USP9Y: variants seen among roughly 807,000 people sequenced by gnomAD.
USP9Y encodes the protein ubiquitin specific peptidase 9 Y-linked, also known as ubiquitin carboxyl-terminal hydrolase 9Y.
In USP9Y, 41 loss-of-function variants were observed where a neutral mutation model predicts 53.1. The observed-to-expected ratio is 0.77, with a 90% CI of 0.60 to 1.00. The LOEUF (loss-of-function observed/expected upper bound fraction) is 1.00, where lower values mean the gene tolerates loss of function less well. Ranked by LOEUF, USP9Y falls within the 50% of genes least tolerant of loss-of-function variation. USP9Y has a pLI of 0.00. For synonymous variants in USP9Y, 220 were observed against 173.7 expected (o/e 1.27, Z -2.09); for missense variants, 567 against 535.8 (o/e 1.06, Z -0.58).
intron 15 of USP9Y, among the ~76,000 whole-genome samples, chrY:12,770,071 C>T (rs530436103): frequency 6.0e-5 from 2 of 33,501 alleles, no homozygotes; most frequent in Admixed American, 5.4e-4. Flanking sequence ...CGTGAGCCAC[C>T]GTGCCTAGCC....
At position 12,856,350 on chromosome Y, in the gene USP9Y, G is replaced by A; in HGVS notation, c.7075G>A (p.Ala2359Thr). Residue 2359 changes from alanine (A) to threonine (T), a missense_variant, in exon 43 of 46, where the codon GCA (alanine) becomes ACA (threonine). By Grantham distance (58) the Ala-to-Thr change is moderately conservative. Transcript: ENST00000338981. ...CTGCTTCTGTTTTAGAATTCATAATGCACTTAAAGGAATTCCAGATGACAG... is the reference window on the plus strand; with the variant it reads ...CTGCTTCTGTTTTAGAATTCATAATACACTTAAAGGAATTCCAGATGACAG... ...DSWQTHRIHNALKGIPDDRDG... is the reference protein window; with the variant it reads ...DSWQTHRIHNTLKGIPDDRDG... The A allele has an allele frequency of 2.5e-6, 1 of 397,099 alleles. No individual in the cohort carries two copies. The highest frequency in any genetic ancestry group is 3.5e-6 in the Non-Finnish European group (1 of 282,453).
chrY:12,819,326 G>A, intron 33 of USP9Y, among the ~76,000 whole-genome samples: 1 of 33,217 alleles, frequency 3.0e-5, no homozygotes, highest in Non-Finnish European at 7.4e-5. Flanking sequence ...GATGATCATG[G>A]TACATTATCA....
At chrY:12,792,926 C>T (rs2032607) in intron 26 of USP9Y, 106 bp from the exon 27 acceptor site, 3,478 of 262,639 alleles carry the variant, frequency 0.013, no homozygotes, top group South Asian at 0.1. Flanking sequence ...AGTCTGAGGC[C>T]GCATGGTCTT....
Position 12,847,126 on chromosome Y carries a change from T to C in USP9Y, c.6948T>C (p.Ser2316=). The change falls in exon 41 of 46, where the codon TCT becomes TCC. Residue 2316 remains serine (S), a synonymous_variant. Transcript: ENST00000338981. ...FCSWENPQFS[S]TVLSELLWQV... is the part of the protein sequence containing the mutation. The stretch of plus-strand genomic sequence containing the variant: ...CTTGGGAGAATCCTCAGTTCTCATC[T>C]ACTGTCCTCAGCGAACTTCTCTGGC... 2.5e-6 allele frequency: 1 copy of C among 399,047 alleles called. No homozygotes were observed.
At chrY:12,818,675 G>A in intron 33 of USP9Y, 65 bp downstream of exon 33, 1 of 271,460 alleles carries the variant, frequency 3.7e-6, no homozygotes, top group East Asian at 9.8e-5. Context: ...CTTCTAAAAT[G>A]TAGCTTAGAA....
intron 12 of USP9Y, among the ~76,000 whole-genome samples, chrY:12,750,337 C>T (rs1003925474): frequency 3.0e-5 from 1 of 33,386 alleles, no homozygotes; most frequent in Non-Finnish European, 7.4e-5. Context: ...CTATGTATGG[C>T]ATCATATTGT....
At chrY:12,848,411 G>C (rs1603204057) in intron 42 of USP9Y, among the ~76,000 whole-genome samples, 1 of 33,082 alleles carries the variant, frequency 3.0e-5, no homozygotes, top group Non-Finnish European at 7.4e-5. Flanking sequence ...CTCCCATTCT[G>C]TAGGTTGCCT....
At chrY:12,839,462 A>G (rs764512963) in intron 35 of USP9Y, among the ~76,000 whole-genome samples, 3 of 33,518 alleles carry the variant, frequency 9.0e-5, no homozygotes, top group East Asian at 7.9e-4. Flanking sequence ...AAGCCATTAC[A>G]GTGTAATAAC....
chrY:12,799,819 G>A, intron 27 of USP9Y, among the ~76,000 whole-genome samples: 1 of 33,948 alleles, frequency 2.9e-5, no homozygotes, highest in Non-Finnish European at 7.4e-5. Flanking sequence ...TCTATCGCCT[G>A]AGAGTACACT....
intron 38 of USP9Y, among the ~76,000 whole-genome samples, chrY:12,842,780 G>A (rs2053563311): frequency 3.0e-5 from 1 of 33,122 alleles, no homozygotes; most frequent in Non-Finnish European, 7.5e-5. Flanking sequence ...ACTGTAACAT[G>A]AAATTGACAT....
Position 12,812,816 on chromosome Y carries a change from T to C in USP9Y, c.4387-14T>C. 5.5e-6 allele frequency: 2 copies of C among 364,793 alleles called. No individual in the cohort carries two copies. Among genetic ancestry groups the C allele is most frequent in the Non-Finnish European group, 7.9e-6 (2 of 252,300 alleles). The allele number at this position is 364,793 out of a possible 400,897, so 91.0% of individuals were successfully genotyped here. A position where few individuals can be genotyped will look rare whatever the true frequency, so the allele number is the denominator to read the frequency against. ...TCTACTAATAACATGTAATGTCTTTTTCTAACTTACTAGGAATTAATTGAT... is the reference window on the plus strand; with the variant it reads ...TCTACTAATAACATGTAATGTCTTTCTCTAACTTACTAGGAATTAATTGAT... On this transcript the variant is annotated splice_polypyrimidine_tract_variant and intron_variant, in intron 30 of 45. Coordinates refer to ENST00000338981, the MANE Select transcript of USP9Y (RefSeq NM_004654.4).
chrY:12,758,630 C>T lies in USP9Y; in HGVS notation c.1754C>T (p.Ser585Phe). Reference protein sequence around the residue: ...REICSLFGEASQNLSQTQRSP... With the variant: ...REICSLFGEAFQNLSQTQRSP... Reference sequence around the variant, plus strand: ...ATTTGTAGTTTGTTTGGTGAAGCATCTCAAAATTTGAGGTAAGACTTTTTT... The same window carrying T: ...ATTTGTAGTTTGTTTGGTGAAGCATTTCAAAATTTGAGGTAAGACTTTTTT... Residue 585 changes from serine to phenylalanine, a missense_variant, in exon 14 of 46, where the codon TCT becomes TTT. Physicochemically the swap from Ser to Phe is radical, Grantham distance 155 (BLOSUM62 -2). Coordinates refer to ENST00000338981, the MANE Select transcript of USP9Y (RefSeq NM_004654.4). 9 of 379,801 alleles carry T rather than the reference C, an allele frequency of 2.4e-5. No individual in the cohort carries two copies. The highest frequency in any genetic ancestry group is 3.3e-5 in the Non-Finnish European group (9 of 269,920). 94.7% of individuals were successfully genotyped at this position (379,801 alleles called of 400,897 possible).
chrY:12,729,646 C>T (rs1014451067), intron 7 of USP9Y, among the ~76,000 whole-genome samples: 1 of 31,959 alleles, frequency 3.1e-5, no homozygotes, highest in Admixed American at 2.9e-4. Context: ...TTGACCATGT[C>T]GGCCAGGTTG....
chrY:12,720,406 C>G, intron 3 of USP9Y, among the ~76,000 whole-genome samples, 183 bp from the exon 4 acceptor site: 1 of 31,808 alleles, frequency 3.1e-5, no homozygotes, highest in Non-Finnish European at 7.6e-5. Context: ...CTCCATCCCC[C>G]ACCCCAAAAA....
chrY:12,817,737 T>A, intron 32 of USP9Y, among the ~76,000 whole-genome samples: 1 of 33,988 alleles, frequency 2.9e-5, no homozygotes, highest in Non-Finnish European at 7.3e-5. Flanking sequence ...ACCTTTGTGC[T>A]TGGTTGCTTG....
chrY:12,789,622 ACT>A (rs2053505558), intron 24 of USP9Y, among the ~76,000 whole-genome samples: 1 of 33,031 alleles, frequency 3.0e-5, no homozygotes, highest in South Asian at 6.9e-4. Flanking sequence ...ACAGATTGAG[ACT>A]CTGTCTCAAA....
chrY:12,794,772 A>T (rs1019773128), intron 27 of USP9Y, among the ~76,000 whole-genome samples: 8 of 33,353 alleles, frequency 2.4e-4, no homozygotes, highest in Non-Finnish European at 1.5e-4. Flanking sequence ...TGAAGATACA[A>T]GGGGTTGTTT....
intron 33 of USP9Y, among the ~76,000 whole-genome samples, chrY:12,829,491 A>G (rs2053549378): frequency 3.0e-5 from 1 of 33,891 alleles, no homozygotes; most frequent in African/African-American, 1.1e-4. Context: ...TTAATGCAAA[A>G]TGAAACTCAG....
intron 12 of USP9Y, among the ~76,000 whole-genome samples, chrY:12,749,885 C>A: frequency 3.0e-5 from 1 of 33,438 alleles, no homozygotes; most frequent in Non-Finnish European, 7.4e-5. Context: ...ATTCTAGGTC[C>A]CTTGAACTTC....
Sources: gnomAD v4.1 joint callset for allele counts (sites outside exome capture counted in the v4.1 genomes callset) on GRCh38, gnomAD v4.1.1 for gene constraint, MANE v1.5 for transcripts, NCBI Gene and HGNC (gene_info 2026-07-23, HGNC 2026-07-21) for gene names.